The following UGT2B17 variants were observed in gnomAD, a reference collection of about 807,000 sequenced individuals.
UGT2B17 encodes UDP glucuronosyltransferase family 2 member B17.
A neutral mutation model predicts 48.2 loss-of-function variants in UGT2B17; 21 were observed. The observed-to-expected ratio is 0.44, with a 90% CI of 0.31 to 0.63. The LOEUF is 0.63. Ranked by LOEUF, UGT2B17 falls within the 20% of genes least tolerant of loss-of-function variation. The pLI is 0.08. For missense variants in UGT2B17, 402 were observed against 696.1 expected, an observed-to-expected ratio of 0.58 and a Z score of 4.75; for synonymous variants, 146 against 238.4, an observed-to-expected ratio of 0.61 and a Z score of 3.57.
chr4:68,570,855 C>T (rs1195820354), intron 1 of UGT2B17, among the ~76,000 whole-genome samples: 2 of 126,440 alleles, frequency 1.6e-5, no homozygotes, highest in Non-Finnish European at 3.3e-5. Context: ...GCTACACTTG[C>T]ACAGGTACAT....
intron 1 of UGT2B17, among the ~76,000 whole-genome samples, chr4:68,573,043 C>G (rs1389695939): frequency 7.8e-6 from 1 of 127,490 alleles, no homozygotes; most frequent in Admixed American, 7.9e-5. Context: ...GCTTTGGTAT[C>G]TAGTTAGTCT....
rs148430260 is a variant in UGT2B17 at position 68,551,862 on chromosome 4, G to A, written c.1055C>T (p.Thr352Ile). ...CTGGGGTAACCACTTATACAGTCGA[G>A]TATTGGAACCTAAAGTATTTGGCTT... is the stretch of plus-strand genomic sequence containing the variant. ...GKKPNTLGSN[T>I]RLYKWLPQND... The change falls in exon 5 of 7, where the codon ACT (threonine) becomes ATT (isoleucine). Residue 352 changes from threonine to isoleucine, a missense_variant. Thr to Ile is a moderately conservative substitution (Grantham distance 89, BLOSUM62 -1). This residue lies in a region of UGT2B17 where 156 missense variants were observed against 258.6 expected (regional missense o/e 0.60). Coordinates refer to ENST00000317746, the MANE Select transcript of UGT2B17 (RefSeq NM_001077.4). 484 of 1,366,100 alleles carry A rather than the reference G, an allele frequency of 3.5e-4. 113 individuals carry two copies. Among genetic ancestry groups the A allele is most frequent in the South Asian group, 8.4e-4 (49 of 58,144 alleles). 84.6% of individuals were successfully genotyped at this position (1,366,100 alleles called of 1,614,324 possible).
intron 6 of UGT2B17, among the ~76,000 whole-genome samples, chr4:68,543,015 C>T (rs1370584552): frequency 1.6e-5 from 2 of 126,604 alleles, no homozygotes; most frequent in African/African-American, 5.4e-5. Flanking sequence ...CCTCTGGGGG[C>T]AGGGCATAAC....
intron 6 of UGT2B17, among the ~76,000 whole-genome samples, chr4:68,547,150 C>A (rs1730828298): frequency 8.7e-6 from 1 of 115,450 alleles, no homozygotes; most frequent in African/African-American, 2.9e-5. Context: ...AAGCTGGAGG[C>A]ATCACACTAC....
intron 6 of UGT2B17, among the ~76,000 whole-genome samples, chr4:68,542,404 G>T (rs1300339541): frequency 7.9e-6 from 1 of 126,168 alleles, no homozygotes; most frequent in Non-Finnish European, 1.7e-5. Flanking sequence ...AGCTCTGTGA[G>T]GAATGTCAAT....
chr4:68,538,083 G>T (rs1730588016), intron 6 of UGT2B17, among the ~76,000 whole-genome samples, 179 bp from the exon 7 acceptor site: 1 of 125,568 alleles, frequency 8.0e-6, no homozygotes, highest in Non-Finnish European at 1.7e-5. Flanking sequence ...TTTTAAATTG[G>T]AGTTTTATCA....
intron 6 of UGT2B17, among the ~76,000 whole-genome samples, chr4:68,539,107 G>A (rs1730608642): frequency 7.9e-6 from 1 of 125,818 alleles, no homozygotes. Context: ...GTTTAAGTAT[G>A]AAATACATAG....
chr4:68,570,550 C>T (rs1486377453), intron 1 of UGT2B17, among the ~76,000 whole-genome samples: 1 of 126,036 alleles, frequency 7.9e-6, no homozygotes, highest in Non-Finnish European at 1.7e-5. Context: ...TCCTTCTCTT[C>T]CTTCATTCCC....
intron 6 of UGT2B17, among the ~76,000 whole-genome samples, chr4:68,547,705 C>G (rs548343519): frequency 1.9e-5 from 2 of 102,876 alleles, no homozygotes; most frequent in Admixed American, 1.0e-4. Flanking sequence ...CCAGAATCTA[C>G]AATGAACTCA....
intron 4 of UGT2B17, among the ~76,000 whole-genome samples, chr4:68,554,882 T>A (rs1168977601): frequency 1.6e-5 from 2 of 125,572 alleles, no homozygotes; most frequent in Non-Finnish European, 3.4e-5. Context: ...GAGGAGTTTT[T>A]ATAAACCTGT....
chr4:68,557,976 A>C (rs1399756154), intron 4 of UGT2B17, among the ~76,000 whole-genome samples: 1 of 124,936 alleles, frequency 8.0e-6, no homozygotes, highest in Non-Finnish European at 1.7e-5. Context: ...AGAGGAATTC[A>C]CCCAACTCAT....
chr4:68,559,254 A>G (rs1382568198), intron 4 of UGT2B17, among the ~76,000 whole-genome samples: 1 of 126,024 alleles, frequency 7.9e-6, no homozygotes, highest in Non-Finnish European at 1.7e-5. Flanking sequence ...ATATGGTGAG[A>G]AATAATGCTA....
chr4:68,573,917 T>C (rs2109781418), intron 1 of UGT2B17, among the ~76,000 whole-genome samples: 1 of 126,568 alleles, frequency 7.9e-6, no homozygotes, highest in African/African-American at 2.7e-5. Flanking sequence ...TGGCAGGGAC[T>C]TCAGGATATA....
chr4:68,575,776 G>T lies in UGT2B17; in HGVS notation c.-65+175C>A, dbSNP rs185220098. Among the ~76,000 whole-genome samples, 485 of 126,164 alleles carry T rather than the reference G, an allele frequency of 3.8e-3. 106 individuals carry two copies. The highest frequency in any genetic ancestry group is 6.8e-3 in the Non-Finnish European group (404 of 59,514). 82.8% of individuals were successfully genotyped at this position (126,164 alleles called of 152,430 possible). ...GTGCCAATACAGGCACACCGTGGGT[G>T]ATCAGGCTATGCTACACTTCCATTC... On this transcript the variant is annotated intron_variant, in intron 1 of 6. Transcript: ENST00000317746.
At chr4:68,561,144 T>G (rs1731095068) in intron 3 of UGT2B17, among the ~76,000 whole-genome samples, 1 of 124,050 alleles carries the variant, frequency 8.1e-6, no homozygotes, top group Non-Finnish European at 1.7e-5. Flanking sequence ...AGCCATTACA[T>G]GACTATGAGC....
chr4:68,556,259 A>G lies in UGT2B17; in HGVS notation c.1005+4278T>C, dbSNP rs1471725552. The stretch of plus-strand genomic sequence containing the variant: ...TAAGGGATTGATTTACTCTTAAAAT[A>G]TTATGAGTTTTTTTTTTTTAACCCA... On this transcript the variant is annotated intron_variant, in intron 4 of 6. Coordinates refer to ENST00000317746, the MANE Select transcript of UGT2B17 (RefSeq NM_001077.4). Among the ~76,000 whole-genome samples, 4 of 118,070 alleles carry G rather than the reference A, an allele frequency of 3.4e-5. 2 individuals carry two copies. The Admixed American group carries it at 3.4e-4, about 10-fold the overall frequency. 77.5% of individuals were successfully genotyped at this position (118,070 alleles called of 152,430 possible). A position where few individuals can be genotyped will look rare whatever the true frequency, so the allele number is the denominator to read the frequency against.
intron 1 of UGT2B17, among the ~76,000 whole-genome samples, chr4:68,570,449 A>T (rs1250321588): frequency 2.4e-5 from 3 of 126,616 alleles, no homozygotes; most frequent in Admixed American, 8.0e-5. Flanking sequence ...TCAGGCCTGG[A>T]GCCAGGCTGC....
chr4:68,538,167 T>C (rs1404552421), intron 6 of UGT2B17, among the ~76,000 whole-genome samples: 2 of 126,252 alleles, frequency 1.6e-5, no homozygotes, highest in African/African-American at 5.4e-5. Context: ...GCAGAAAATA[T>C]TGTGAGCCAT....
In UGT2B17 at chr4:68,572,005, C is replaced by G. The variant is rs193043451; in HGVS notation, c.-64-3457G>C. 1.6e-5 allele frequency among the ~76,000 whole-genome samples: 2 copies of G among 124,682 alleles called. 1 individual carries two copies. The highest frequency in any genetic ancestry group is 1.6e-3 in the East Asian group (2 of 1,288). The allele number at this position is 124,682 out of a possible 152,430, so 81.8% of individuals were successfully genotyped here. On this transcript the variant is annotated intron_variant, in intron 1 of 6. Transcript: ENST00000317746. The stretch of plus-strand genomic sequence containing the variant: ...TCTGAGGGGTTTGTGATTATCAATT[C>G]TAAAAGGTTGTAGCTCCTATTCATG...
Sources: allele counts gnomAD v4.1 joint callset (sites outside exome capture counted in the v4.1 genomes callset), GRCh38; gene constraint gnomAD v4.1.1; regional missense constraint gnomAD v4.1.1; transcripts MANE v1.5; gene names NCBI Gene and HGNC (gene_info 2026-07-23, HGNC 2026-07-21).